Variants in C3 observed in about 807,000 individuals in gnomAD.
The protein encoded by C3 is complement C3, also known as C3 and PZP-like alpha-2-macroglobulin domain-containing protein 1.
In C3, 97 loss-of-function variants were observed where a neutral mutation model predicts 207.9. The ratio of observed to expected loss-of-function variants is 0.47; its 90% CI spans 0.40 to 0.55. The LOEUF (loss-of-function observed/expected upper bound fraction) is 0.55, where lower values mean the gene tolerates loss of function less well. C3 is among the 20% of genes least tolerant of loss of function. C3 has a pLI of 0.00. For missense variants in C3, 1,684 were observed against 2,171.7 expected (o/e 0.78, Z 4.46); for synonymous variants, 848 against 857.6 (o/e 0.99, Z 0.20).
intron 27 of C3, among the ~76,000 whole-genome samples, chr19:6,688,389 T>C (rs344535): frequency 0.45 from 68,941 of 152,004 alleles, 16,848 homozygotes; most frequent in East Asian, 0.91. Flanking sequence ...CGGCCTTGGC[T>C]TCCCAAAGTG....
At chr19:6,687,000 G>T in intron 27 of C3, 98 bp from the exon 28 acceptor site, 2 of 1,281,412 alleles carry the variant, frequency 1.6e-6, no homozygotes, top group Non-Finnish European at 2.3e-6. Context: ...AGGGATTTCT[G>T]TCCTTGGGAC....
chr19:6,680,864 G>A (rs1241097920), intron 35 of C3, among the ~76,000 whole-genome samples: 5 of 152,076 alleles, frequency 3.3e-5, no homozygotes, highest in African/African-American at 1.2e-4. Context: ...CCAAATCATG[G>A]TAGAGATGAA....
rs558445691 is a variant in C3 at position 6,718,607 on chromosome 19, A to G, written c.268-195T>C. Among the ~76,000 whole-genome samples the G allele has an allele frequency of 2.1e-4, 32 of 151,350 alleles. 1 individual carries two copies. The highest frequency in any genetic ancestry group is 1.6e-3 in the Admixed American group (25 of 15,188). On this transcript the variant is annotated intron_variant, in intron 2 of 40. Coordinates refer to ENST00000245907, the MANE Select transcript of C3 (RefSeq NM_000064.4). ...GGACCAGGGAGGGAACTCAAAAAGAAGAGCTCACAAGGAGGAGAGAGCTTA... is the reference window on the plus strand; with the variant it reads ...GGACCAGGGAGGGAACTCAAAAAGAGGAGCTCACAAGGAGGAGAGAGCTTA...
intron 4 of C3, chr19:6,717,583 G>GTGTGTGT: frequency 4.0e-6 from 1 of 248,624 alleles, no homozygotes; most frequent in South Asian, 4.3e-5. Context: ...TGTGTGTGTT[G>GTGTGTGT]TGTGTGTTGT....
At chr19:6,702,926 G>A in intron 17 of C3, 3 of 334,910 alleles carry the variant, frequency 9.0e-6, no homozygotes, top group South Asian at 7.5e-5. Flanking sequence ...CCCAGCTACT[G>A]TGGAGGCTGA....
In C3 at chr19:6,709,559, T is replaced by C. The variant is rs563056489; in HGVS notation, c.1845+125A>G. ...GCTTCAACCATCCCTGTGTCTGGTC[T>C]GCTCCGATCTCTGCTTTCAGCGCAT... On this transcript the variant is annotated intron_variant, in intron 14 of 40. Coordinates refer to ENST00000245907, the MANE Select transcript of C3 (RefSeq NM_000064.4). 219 of 1,080,872 alleles carry C rather than the reference T, an allele frequency of 2.0e-4. No homozygotes were observed. The Middle Eastern group carries it at 2.5e-3, about 12-fold the overall frequency. 67.0% of individuals were successfully genotyped at this position (1,080,872 alleles called of 1,614,324 possible).
Position 6,720,594 on chromosome 19 carries a change from C to T in C3, c.-5G>A. ...GGGACCTGAGGTGGGTCCCATGGTGCTGGGACAGTGCAGGGTCAGAGGGAC... is the reference window on the plus strand; with the variant it reads ...GGGACCTGAGGTGGGTCCCATGGTGTTGGGACAGTGCAGGGTCAGAGGGAC... On this transcript the variant is annotated 5_prime_UTR_variant, in exon 1 of 41. Coordinates refer to ENST00000245907, the MANE Select transcript of C3 (RefSeq NM_000064.4). 1 of 1,571,172 alleles carries T rather than the reference C, an allele frequency of 6.4e-7. No individual in the cohort carries two copies. The highest frequency in any genetic ancestry group is 8.7e-7 in the Non-Finnish European group (1 of 1,155,960).
chr19:6,717,790 T>G, intron 4 of C3: 1 of 532,554 alleles, frequency 1.9e-6, no homozygotes, highest in Non-Finnish European at 3.4e-6. Flanking sequence ...GTGTTGTGTG[T>G]TGTGTTGTGT....
chr19:6,714,126 G>A (rs776459204), intron 6 of C3, 40 bp downstream of exon 6: 26 of 1,609,084 alleles, frequency 1.6e-5, no homozygotes, highest in Admixed American at 6.7e-5. Flanking sequence ...TGGGCCAGGC[G>A]TTCTGGGCAC....
chr19:6,718,193 A>G, intron 3 of C3, 29 bp from the exon 4 acceptor site: 1 of 1,613,548 alleles, frequency 6.2e-7, no homozygotes, highest in Non-Finnish European at 8.5e-7. Flanking sequence ...GCCTCGTGAG[A>G]CCCTAGCCCG....
chr19:6,682,852 A>G (rs1917899129), intron 33 of C3: 1 of 156,028 alleles, frequency 6.4e-6, no homozygotes, highest in Admixed American at 6.2e-5. Flanking sequence ...ATTTTACAAC[A>G]ATGTATCACG....
intron 4 of C3, among the ~76,000 whole-genome samples, chr19:6,715,747 G>A (rs1289568868): frequency 6.6e-6 from 1 of 151,216 alleles, no homozygotes; most frequent in African/African-American, 2.4e-5. Context: ...TCAGCCTCTC[G>A]AGTAGCTGGG....
chr19:6,702,884 A>G (rs990183138), intron 17 of C3: 108 of 353,546 alleles, frequency 3.1e-4, no homozygotes, highest in Non-Finnish European at 5.1e-4. Context: ...AAACACAAAA[A>G]TTAGCTGGGT....
At chr19:6,700,972 C>T (rs565793256) in intron 19 of C3, among the ~76,000 whole-genome samples, 2 of 151,700 alleles carry the variant, frequency 1.3e-5, no homozygotes, top group Admixed American at 1.3e-4. Flanking sequence ...GACTGTACCC[C>T]CACCCTGTCT....
At chr19:6,695,612 T>G (rs1228504190) in intron 23 of C3, among the ~76,000 whole-genome samples, 2 of 152,034 alleles carry the variant, frequency 1.3e-5, no homozygotes, top group Non-Finnish European at 2.9e-5. Flanking sequence ...CCCGAGTGGC[T>G]GGGATTACAG....
chr19:6,713,464 G>A lies in C3; in HGVS notation c.819C>T (p.Phe273=), dbSNP rs886054656. 21 of 1,613,886 alleles carry A rather than the reference G, an allele frequency of 1.3e-5. No homozygotes were observed. The highest frequency in any genetic ancestry group is 2.2e-5 in the South Asian group (2 of 91,080). The change falls in exon 8 of 41, where the codon TTC becomes TTT. Residue 273 remains phenylalanine (F), a synonymous_variant. Transcript: ENST00000245907. ...TCCTCTGTTCGCCATCCTGGATCCC[G>A]AAGATGACAAAGGCAGTTCCCTCCA... ...KKVEGTAFVI[F]GIQDGEQRIS...
intron 27 of C3, among the ~76,000 whole-genome samples, chr19:6,687,675 A>C (rs973205634): frequency 2.0e-5 from 3 of 151,796 alleles, no homozygotes; most frequent in African/African-American, 7.3e-5. Context: ...CCACAGTATT[A>C]TATAGTATTT....
At chr19:6,682,357 T>A (rs1917887610) in intron 33 of C3, 128 bp from the exon 34 acceptor site, 1 of 728,228 alleles carries the variant, frequency 1.4e-6, no homozygotes, top group Non-Finnish European at 2.5e-6. Flanking sequence ...AGAGGGGCGT[T>A]ACATTTTTTA....
rs1432315488 is a variant in C3 at position 6,686,107 on chromosome 19, G to A, written c.3810+17C>T. 18 of 1,613,390 alleles carry A rather than the reference G, an allele frequency of 1.1e-5. No individual in the cohort carries two copies. The highest frequency in any genetic ancestry group is 2.2e-5 in the East Asian group (1 of 44,894). ...GAGACAGGGATGCATGTGCCTAGGGGCTGTGGGCCCACTTGCCTGGGTAGA... is the reference window on the plus strand; with the variant it reads ...GAGACAGGGATGCATGTGCCTAGGGACTGTGGGCCCACTTGCCTGGGTAGA... On this transcript the variant is annotated intron_variant, in intron 29 of 40. Transcript: ENST00000245907.
Sources: gnomAD v4.1 joint callset for allele counts (sites outside exome capture counted in the v4.1 genomes callset) on GRCh38, gnomAD v4.1.1 for gene constraint, MANE v1.5 for transcripts, NCBI Gene and HGNC (gene_info 2026-07-23, HGNC 2026-07-21) for gene names.